The following CPLANE1 variants were observed in gnomAD, a reference collection of about 807,000 sequenced individuals.
The protein encoded by CPLANE1 is ciliogenesis and planar polarity effector 1.
In CPLANE1, 263 loss-of-function variants were observed where a neutral mutation model predicts 362.5. That is an observed-to-expected ratio of 0.73 (90% CI 0.66 to 0.80). The LOEUF is 0.80. Among genes scored for constraint, CPLANE1 ranks in the 30% least tolerant of loss-of-function variants. The pLI is 0.00. For synonymous variants in CPLANE1, 1,212 were observed against 1,302.6 expected (o/e 0.93, Z 1.50); for missense variants, 3,461 against 3,793.4 (o/e 0.91, Z 2.30).
rs371846835 is a variant in CPLANE1 at position 37,107,209 on chromosome 5, A to AT, written c.*392dup. ...GACTGATTTTCTTCTCAATGAAAAG[A>AT]TTTTTTTTTTTCCTATTAGATTCAT... On this transcript the variant is annotated 3_prime_UTR_variant, in exon 53 of 53. Coordinates refer to ENST00000651892, the MANE Select transcript of CPLANE1 (RefSeq NM_001384732.1). 6.5e-3 allele frequency: 5,306 copies of AT among 815,776 alleles called. 66 individuals are homozygous for AT. Among genetic ancestry groups the AT allele is most frequent in the African/African-American group, 0.055 (2,953 of 54,050 alleles). The allele number at this position is 815,776 out of a possible 1,614,324, so 50.5% of individuals were successfully genotyped here. A position where few individuals can be genotyped will look rare whatever the true frequency, so the allele number is the denominator to read the frequency against.
At chr5:37,138,498 A>G (rs1370523350) in intron 46 of CPLANE1, 3 of 663,404 alleles carry the variant, frequency 4.5e-6, no homozygotes, top group Non-Finnish European at 2.8e-6. Context: ...TGTATGTTGT[A>G]CTTAGAGTGA....
chr5:37,161,794 G>A (rs570488336), intron 38 of CPLANE1, among the ~76,000 whole-genome samples: 1 of 152,228 alleles, frequency 6.6e-6, no homozygotes, highest in South Asian at 2.1e-4. Context: ...GTGTGATTAT[G>A]GTTAATTTTC....
intron 43 of CPLANE1, among the ~76,000 whole-genome samples, chr5:37,145,300 C>T (rs1771199546): frequency 1.3e-5 from 2 of 152,138 alleles, no homozygotes; most frequent in South Asian, 4.1e-4. Flanking sequence ...GTGTGAGACT[C>T]CATCTCAAAA....
chr5:37,222,828 T>C (rs1007135647), intron 14 of CPLANE1, among the ~76,000 whole-genome samples: 21 of 152,194 alleles, frequency 1.4e-4, no homozygotes, highest in African/African-American at 5.1e-4. Flanking sequence ...ACCCTTGACA[T>C]TGCTTTGGTT....
intron 12 of CPLANE1, 34 bp downstream of exon 12, chr5:37,226,270 A>G: frequency 7.2e-7 from 1 of 1,384,168 alleles, no homozygotes; most frequent in Non-Finnish European, 9.5e-7. Context: ...AAACTAAGCT[A>G]ATAGTATCCC....
intron 26 of CPLANE1, among the ~76,000 whole-genome samples, chr5:37,182,023 C>G (rs924109854): frequency 2.0e-5 from 3 of 150,836 alleles, no homozygotes; most frequent in Admixed American, 2.0e-4. Flanking sequence ...ATCCAGGAGG[C>G]GGAGGTTGCA....
chr5:37,229,582 C>T (rs1439723795), intron 9 of CPLANE1, among the ~76,000 whole-genome samples: 1 of 151,738 alleles, frequency 6.6e-6, no homozygotes, highest in Non-Finnish European at 1.5e-5. Flanking sequence ...ATCAAGTAAA[C>T]ACCCTACCTC....
chr5:37,121,508 C>T, intron 49 of CPLANE1, 109 bp downstream of exon 49: 2 of 954,582 alleles, frequency 2.1e-6, no homozygotes, highest in Non-Finnish European at 3.2e-6. Flanking sequence ...CATCATAACT[C>T]TAAGCAGGGT....
chr5:37,243,791 T>G (rs893528574), intron 5 of CPLANE1, among the ~76,000 whole-genome samples: 1 of 147,030 alleles, frequency 6.8e-6, no homozygotes, highest in African/African-American at 2.5e-5. Flanking sequence ...ACATATATAA[T>G]ATACCATATA....
intron 25 of CPLANE1, among the ~76,000 whole-genome samples, 182 bp downstream of exon 25, chr5:37,184,606 G>A (rs554623434): frequency 1.2e-4 from 18 of 151,814 alleles, no homozygotes; most frequent in South Asian, 4.2e-4. Context: ...GTAAATTTTC[G>A]AATGTATAGT....
chr5:37,113,973 C>T (rs1760136209), intron 51 of CPLANE1, among the ~76,000 whole-genome samples: 1 of 152,112 alleles, frequency 6.6e-6, no homozygotes, highest in South Asian at 2.1e-4. Flanking sequence ...CCACCACGCC[C>T]AGCTAATTTT....
chr5:37,158,612 A>C (rs543072140), intron 38 of CPLANE1, among the ~76,000 whole-genome samples: 1 of 152,324 alleles, frequency 6.6e-6, no homozygotes, highest in African/African-American at 2.4e-5. Flanking sequence ...TTACATCAAG[A>C]AAATGCTAAA....
the CPLANE1 span, among the ~76,000 whole-genome samples, chr5:37,083,324 G>A: frequency 2.6e-5 from 4 of 152,144 alleles, no homozygotes; most frequent in Non-Finnish European, 5.9e-5. Flanking sequence ...CTACCCAAAT[G>A]AGAAGGAATC....
At chr5:37,204,735 C>T (rs1790201028) in intron 18 of CPLANE1, among the ~76,000 whole-genome samples, 1 of 135,900 alleles carries the variant, frequency 7.4e-6, no homozygotes, top group Non-Finnish European at 1.5e-5. Flanking sequence ...ATCAAGAAAG[C>T]TACTTTAATA....
the CPLANE1 span, among the ~76,000 whole-genome samples, chr5:37,096,880 C>T: frequency 3.6e-4 from 54 of 151,976 alleles, no homozygotes; most frequent in African/African-American, 1.3e-3. Flanking sequence ...GCAAGAATGG[C>T]CATAGTAAAA....
intron 48 of CPLANE1, 71 bp from the exon 49 acceptor site, chr5:37,121,855 G>T: frequency 1.5e-5 from 18 of 1,166,210 alleles, no homozygotes; most frequent in Non-Finnish European, 1.6e-5. Flanking sequence ...GGAATATAGT[G>T]TTTGAAGATC....
chr5:37,191,477 C>T (rs892283465), intron 21 of CPLANE1, among the ~76,000 whole-genome samples: 1 of 152,126 alleles, frequency 6.6e-6, no homozygotes, highest in Non-Finnish European at 1.5e-5. Context: ...CCAAGATCAG[C>T]CTGGGCAACG....
rs766757645 is a variant in CPLANE1, at chr5:37,247,631, G to A, written c.68C>T (p.Ser23Phe). The change falls in exon 2 of 53, where the codon TCC (serine) becomes TTC (phenylalanine). Residue 23 changes from serine (S) to phenylalanine (F), a missense_variant. Ser to Phe is a radical substitution (Grantham distance 155, BLOSUM62 -2). This residue lies in a region of CPLANE1 where 3,380 missense variants were observed against 3,666.1 expected (regional missense o/e 0.92). Transcript: ENST00000651892. ...IKQKKPWPRV[S>F]WLGKEKEAVF... ...AGAAAAACCTACCTTTCCCAACCAG[G>A]AGACACGTGGCCATGGTTTTTTCTG... is the stretch of plus-strand genomic sequence containing the variant. 5.2e-6 allele frequency: 8 copies of A among 1,550,780 alleles called. No homozygotes were observed. Among genetic ancestry groups the A allele is most frequent in the Non-Finnish European group, 7.0e-6 (8 of 1,146,388 alleles).
At chr5:37,239,104 C>T in intron 7 of CPLANE1, 144 bp from the exon 8 acceptor site, 1 of 431,114 alleles carries the variant, frequency 2.3e-6, no homozygotes, top group Non-Finnish European at 4.2e-6. Context: ...ATATTGACCC[C>T]TGGTAGCCTT....
Sources: allele counts gnomAD v4.1 joint callset (sites outside exome capture counted in the v4.1 genomes callset), GRCh38; gene constraint gnomAD v4.1.1; regional missense constraint gnomAD v4.1.1; transcripts MANE v1.5; gene names NCBI Gene and HGNC (gene_info 2026-07-23, HGNC 2026-07-21).